DNM3: variants seen among roughly 807,000 people sequenced by gnomAD.
DNM3 encodes the protein dynamin-3.
DNM3 carries 47 observed loss-of-function variants against 101.6 expected under a neutral mutation model. The observed-to-expected ratio is 0.46, with a 90% CI of 0.37 to 0.59. The LOEUF (loss-of-function observed/expected upper bound fraction) is 0.59. Ranked by LOEUF, DNM3 falls within the 20% of genes least tolerant of loss-of-function variation. DNM3 has a pLI of 0.00. For missense variants in DNM3, 849 were observed against 1,085.7 expected (o/e 0.78, Z 3.06); for synonymous variants, 385 against 387.9 (o/e 0.99, Z 0.09).
At chr1:172,066,830 A>T (rs538295992) in intron 10 of DNM3, among the ~76,000 whole-genome samples, 1 of 152,112 alleles carries the variant, frequency 6.6e-6, no homozygotes, top group Non-Finnish European at 1.5e-5. Flanking sequence ...GATACTAGGT[A>T]GTTTATAGTT....
chr1:172,019,158 C>T (rs1223046919), intron 4 of DNM3, among the ~76,000 whole-genome samples: 1 of 150,036 alleles, frequency 6.7e-6, no homozygotes, highest in African/African-American at 2.5e-5. Flanking sequence ...TTCTCTCTTT[C>T]CTTCTCTCTT....
chr1:172,244,381 G>GCA (rs753270684), intron 14 of DNM3, among the ~76,000 whole-genome samples: 112 of 152,158 alleles, frequency 7.4e-4, no homozygotes, highest in Non-Finnish European at 1.4e-3. Flanking sequence ...AAGAGCTTCT[G>GCA]CACAGCAAAA....
intron 14 of DNM3, among the ~76,000 whole-genome samples, chr1:172,171,091 TG>T (rs1184814083): frequency 1.3e-5 from 2 of 151,684 alleles, no homozygotes; most frequent in Non-Finnish European, 2.9e-5. Context: ...AAATAGAGAT[TG>T]ATTAGTTTTG....
At chr1:171,908,052 A>C (rs1040752675) in intron 1 of DNM3, among the ~76,000 whole-genome samples, 17 of 152,352 alleles carry the variant, frequency 1.1e-4, no homozygotes, top group African/African-American at 3.8e-4. Context: ...AAAGTTTTAT[A>C]AAATACTTAG....
intron 15 of DNM3, among the ~76,000 whole-genome samples, chr1:172,307,694 A>G (rs2064896090): frequency 6.6e-6 from 1 of 152,244 alleles, no homozygotes; most frequent in Non-Finnish European, 1.5e-5. Flanking sequence ...CTATGCAGCC[A>G]TAAAAAGGAT....
intron 17 of DNM3, among the ~76,000 whole-genome samples, chr1:172,330,532 A>C (rs1019492661): frequency 1.3e-5 from 2 of 152,136 alleles, no homozygotes; most frequent in Non-Finnish European, 2.9e-5. Context: ...CCATGTATCT[A>C]AAATAAAGTT....
intron 14 of DNM3, among the ~76,000 whole-genome samples, chr1:172,145,867 G>A (rs763605582): frequency 3.3e-5 from 5 of 152,088 alleles, no homozygotes; most frequent in Non-Finnish European, 7.4e-5. Context: ...GCCAAGTACC[G>A]CTTGACCAAA....
chr1:172,121,983 T>G (rs2056349965), intron 13 of DNM3, among the ~76,000 whole-genome samples: 1 of 152,204 alleles, frequency 6.6e-6, no homozygotes, highest in Non-Finnish European at 1.5e-5. Flanking sequence ...TCTTTTTATG[T>G]TGTGCTGTTA....
At chr1:172,232,383 T>A (rs1376150381) in intron 14 of DNM3, among the ~76,000 whole-genome samples, 2 of 152,156 alleles carry the variant, frequency 1.3e-5, no homozygotes, top group East Asian at 3.8e-4. Context: ...CCCAGATTCA[T>A]AAAGCAAGTC....
At chr1:172,364,661 C>T (rs2067915824) in intron 17 of DNM3, among the ~76,000 whole-genome samples, 1 of 151,900 alleles carries the variant, frequency 6.6e-6, no homozygotes, top group Non-Finnish European at 1.5e-5. Flanking sequence ...CACCAAATCT[C>T]ATGTCAATTG....
At chr1:172,275,796 A>G (rs1398256757) in intron 15 of DNM3, among the ~76,000 whole-genome samples, 1 of 152,136 alleles carries the variant, frequency 6.6e-6, no homozygotes, top group Non-Finnish European at 1.5e-5. Flanking sequence ...TTAAAAGATA[A>G]TTTTTATTGC....
chr1:172,215,780 G>A (rs1429553641), intron 14 of DNM3, among the ~76,000 whole-genome samples: 2 of 151,978 alleles, frequency 1.3e-5, no homozygotes, highest in Admixed American at 6.6e-5. Flanking sequence ...GGCAGAGCCA[G>A]GTAATTGATG....
intron 17 of DNM3, among the ~76,000 whole-genome samples, chr1:172,336,350 C>T (rs886618023): frequency 9.9e-5 from 15 of 151,988 alleles, no homozygotes; most frequent in African/African-American, 3.6e-4. Flanking sequence ...TCAATTTCAA[C>T]CTAATTTATT....
intron 15 of DNM3, among the ~76,000 whole-genome samples, chr1:172,277,427 T>C (rs1158786115): frequency 6.6e-6 from 1 of 151,872 alleles, no homozygotes; most frequent in African/African-American, 2.4e-5. Flanking sequence ...TAGAGGAAAA[T>C]GGTCCAAACT....
At chr1:172,180,374 C>T (rs1317381092) in intron 14 of DNM3, among the ~76,000 whole-genome samples, 3 of 152,084 alleles carry the variant, frequency 2.0e-5, no homozygotes, top group African/African-American at 7.2e-5. Flanking sequence ...CCTCATTTTA[C>T]TCACAAGGAA....
At chr1:172,289,023 G>T (rs2063803234) in intron 15 of DNM3, among the ~76,000 whole-genome samples, 1 of 152,036 alleles carries the variant, frequency 6.6e-6, no homozygotes, top group East Asian at 1.9e-4. Context: ...TTCTATTCAT[G>T]AGTGAGATTG....
At chr1:172,003,922 A>G (rs2046508897) in intron 4 of DNM3, among the ~76,000 whole-genome samples, 1 of 151,952 alleles carries the variant, frequency 6.6e-6, no homozygotes, top group South Asian at 2.1e-4. Flanking sequence ...GGGGGACTCT[A>G]TTGAGGCCAT....
rs77196608 is a variant in DNM3 at position 172,208,162 on chromosome 1, G to A, written c.1660-45411G>A. Among the ~76,000 whole-genome samples the A allele has an allele frequency of 8.2e-4, 124 of 152,102 alleles. 1 individual carries two copies. In the East Asian group the frequency reaches 0.01, roughly 12 times the overall value. ...CTCAACTACAAATTGCAGTTTTTCC[G>A]CAAGATTTAGAAGAGAGGAGACCAC... is the stretch of plus-strand genomic sequence containing the variant. On this transcript the variant is annotated intron_variant, in intron 14 of 20. Coordinates refer to ENST00000627582, the MANE Select transcript of DNM3 (RefSeq NM_015569.5).
At chr1:172,042,778 G>A (rs1367558748) in intron 8 of DNM3, among the ~76,000 whole-genome samples, 1 of 152,152 alleles carries the variant, frequency 6.6e-6, no homozygotes, top group Non-Finnish European at 1.5e-5. Flanking sequence ...TTCAGAGAGG[G>A]AGGAAGTGTC....
Sources: gnomAD v4.1 joint callset for allele counts (sites outside exome capture counted in the v4.1 genomes callset) on GRCh38, gnomAD v4.1.1 for gene constraint, MANE v1.5 for transcripts, NCBI Gene and HGNC (gene_info 2026-07-23, HGNC 2026-07-21) for gene names.